CCSER2: variants seen among roughly 807,000 people sequenced by gnomAD.
CCSER2 encodes the protein serine-rich coiled-coil domain-containing protein 2.
A neutral mutation model predicts 92.3 loss-of-function variants in CCSER2; 46 were observed. The observed-to-expected ratio is 0.50, with a 90% CI of 0.39 to 0.64. The LOEUF is 0.64. CCSER2 is among the 30% of genes least tolerant of loss of function. The probability of loss-of-function intolerance (pLI) is 0.00; values close to 1 mark genes in which losing one functional copy is unlikely to be tolerated. For missense variants in CCSER2, 1,244 were observed against 1,238.9 expected, an observed-to-expected ratio of 1.00 and a Z score of -0.06; for synonymous variants, 433 against 431.4, an observed-to-expected ratio of 1.00 and a Z score of -0.04.
intron 5 of CCSER2, among the ~76,000 whole-genome samples, chr10:84,431,875 A>AT (rs1843789948): frequency 6.6e-6 from 1 of 152,196 alleles, no homozygotes; most frequent in African/African-American, 2.4e-5. Context: ...TTATATACAG[A>AT]TTTTTGCACG....
At chr10:84,360,922 T>A (rs776386066) in intron 1 of CCSER2, among the ~76,000 whole-genome samples, 3 of 152,234 alleles carry the variant, frequency 2.0e-5, no homozygotes, top group Non-Finnish European at 2.9e-5. Context: ...CATAAATGGA[T>A]CAACTGAACA....
At chr10:84,332,429 TA>T (rs1589368888) in intron 1 of CCSER2, among the ~76,000 whole-genome samples, 94 of 85,828 alleles carry the variant, frequency 1.1e-3, no homozygotes, top group East Asian at 8.1e-3. Flanking sequence ...TATATATATA[TA>T]TATATATTTT....
chr10:84,460,244 C>T (rs1229686945), intron 6 of CCSER2, among the ~76,000 whole-genome samples: 6 of 145,842 alleles, frequency 4.1e-5, no homozygotes, highest in African/African-American at 1.5e-4. Flanking sequence ...CATGCGCCAC[C>T]ATGCCCGGCT....
At position 84,425,805 on chromosome 10, in the gene CCSER2, A is replaced by G. The variant is rs1309497447; in HGVS notation, c.1780A>G (p.Arg594Gly). 6.2e-7 allele frequency: 1 copy of G among 1,613,492 alleles called. No homozygotes were observed. Reference sequence around the variant, plus strand: ...GCAGCCTCAGGAAGGTTTTTGGAAAAGGCCACCCCAGAGGTGGAGTGGACA... The same window carrying G: ...GCAGCCTCAGGAAGGTTTTTGGAAAGGGCCACCCCAGAGGTGGAGTGGACA... ...VRQPQEGFWK[R>G]PPQRWSGQEH... Residue 594 changes from arginine to glycine, a missense_variant, in exon 5 of 10, where the codon AGG becomes GGG. Physicochemically the swap from Arg to Gly is moderately radical, Grantham distance 125. Coordinates refer to ENST00000372088, the MANE Select transcript of CCSER2 (RefSeq NM_001284240.2).
Position 84,371,996 on chromosome 10 carries a change from A to T in CCSER2, c.944A>T (p.Tyr315Phe). Residue 315 changes from tyrosine to phenylalanine, a missense_variant, in exon 2 of 10, where the codon TAT becomes TTT. By Grantham distance (22) the Tyr-to-Phe change is conservative (BLOSUM62 3). Coordinates refer to ENST00000372088, the MANE Select transcript of CCSER2 (RefSeq NM_001284240.2). ...CCAGGTGTAACTTCTACTTTAGGTT[A>T]TAGAATGGTTCATCCCTCTCTACTG... ...NGPGVTSTLG[Y>F]RMVHPSLLKS... 1 of 1,613,750 alleles carries T rather than the reference A, an allele frequency of 6.2e-7. No individual in the cohort carries two copies. Among genetic ancestry groups the T allele is most frequent in the Non-Finnish European group, 8.5e-7 (1 of 1,179,732 alleles).
At chr10:84,434,994 T>C (rs1844019760) in intron 5 of CCSER2, among the ~76,000 whole-genome samples, 2 of 152,100 alleles carry the variant, frequency 1.3e-5, no homozygotes, top group African/African-American at 4.8e-5. Flanking sequence ...GTGAAACAAA[T>C]TAAGGATCAT....
In CCSER2 at chr10:84,371,077, A is replaced by G. The variant is rs1325850609; in HGVS notation, c.25A>G (p.Thr9Ala). The change falls in exon 2 of 10, where the codon ACA becomes GCA. Residue 9 changes from threonine (T) to alanine (A), a missense_variant. By Grantham distance (58) the Thr-to-Ala change is moderately conservative (BLOSUM62 0). Coordinates refer to ENST00000372088, the MANE Select transcript of CCSER2 (RefSeq NM_001284240.2). ...CATGGAAGAAAAAACACAAATCAAG[A>G]CATTTTTGGGTTCCAAGTTGCCAAA... is the stretch of plus-strand genomic sequence containing the variant. Reference protein sequence around the residue: MEEKTQIKTFLGSKLPKYG... With the variant: MEEKTQIKAFLGSKLPKYG... 1 of 1,592,940 alleles carries G rather than the reference A, an allele frequency of 6.3e-7. No individual in the cohort carries two copies. Among genetic ancestry groups the G allele is most frequent in the East Asian group, 2.2e-5 (1 of 44,704 alleles).
chr10:84,368,621 T>C (rs1845905890), intron 1 of CCSER2, among the ~76,000 whole-genome samples: 1 of 152,314 alleles, frequency 6.6e-6, no homozygotes, highest in African/African-American at 2.4e-5. Flanking sequence ...GTTTTTCGAA[T>C]GTCTTCTAGC....
intron 3 of CCSER2, among the ~76,000 whole-genome samples, chr10:84,384,005 A>G (rs1477563210): frequency 2.0e-5 from 3 of 152,202 alleles, no homozygotes; most frequent in Non-Finnish European, 4.4e-5. Flanking sequence ...AGAGACTGCT[A>G]TGAACATCTC....
At chr10:84,358,514 AT>A (rs967668244) in intron 1 of CCSER2, among the ~76,000 whole-genome samples, 2 of 151,838 alleles carry the variant, frequency 1.3e-5, no homozygotes, top group Non-Finnish European at 2.9e-5. Context: ...TCAAATATAT[AT>A]GTGTTGGGAG....
intron 1 of CCSER2, among the ~76,000 whole-genome samples, chr10:84,332,754 C>T (rs916097252): frequency 6.6e-6 from 1 of 151,794 alleles, no homozygotes; most frequent in Admixed American, 6.6e-5. Context: ...GAGTTCAAGA[C>T]CAGCCTGGGC....
intron 3 of CCSER2, among the ~76,000 whole-genome samples, chr10:84,400,700 G>A (rs1842073940): frequency 6.6e-6 from 1 of 151,388 alleles, no homozygotes; most frequent in Non-Finnish European, 1.5e-5. Flanking sequence ...GATCACCTGA[G>A]GTCAGGAGTT....
At chr10:84,381,081 G>A (rs1840881388) in intron 3 of CCSER2, among the ~76,000 whole-genome samples, 1 of 152,102 alleles carries the variant, frequency 6.6e-6, no homozygotes. Flanking sequence ...TGCCTGAATG[G>A]TATGACAGTC....
chr10:84,338,037 T>G (rs1843937418), intron 1 of CCSER2, among the ~76,000 whole-genome samples: 1 of 152,142 alleles, frequency 6.6e-6, no homozygotes, highest in East Asian at 1.9e-4. Context: ...TCTCAGTACT[T>G]TGGGAGGCTG....
intron 6 of CCSER2, among the ~76,000 whole-genome samples, chr10:84,441,743 T>A (rs1209102306): frequency 3.8e-5 from 1 of 26,472 alleles, no homozygotes; most frequent in Non-Finnish European, 7.3e-5. Flanking sequence ...AATGTTTTTT[T>A]TTTTTTTTTT....
intron 9 of CCSER2, among the ~76,000 whole-genome samples, chr10:84,479,634 T>C (rs1222560786): frequency 2.6e-5 from 4 of 152,176 alleles, no homozygotes; most frequent in Non-Finnish European, 5.9e-5. Flanking sequence ...TGTGTAAATA[T>C]AAAGAAGAAT....
Position 84,389,450 on chromosome 10 carries a change from A to T in CCSER2, c.1614+15635A>T, listed in dbSNP as rs7899482. On this transcript the variant is annotated intron_variant, in intron 3 of 9. Transcript: ENST00000372088. Reference sequence around the variant, plus strand: ...TGCAGAGGGAGAAGGTACCACGTCAATCTGGGCCTGTCTATTCTGAATAGT... The same window carrying T: ...TGCAGAGGGAGAAGGTACCACGTCATTCTGGGCCTGTCTATTCTGAATAGT... The T allele has an allele frequency of 7.2e-6, 3 of 418,844 alleles. No homozygotes were observed. In the Admixed American group the frequency reaches 7.8e-5, roughly 11 times the overall value. 25.9% of individuals were successfully genotyped at this position (418,844 alleles called of 1,614,324 possible). A position where few individuals can be genotyped will look rare whatever the true frequency, so the allele number is the denominator to read the frequency against.
In CCSER2 at chr10:84,513,683, A is replaced by G; in HGVS notation, c.2560A>G (p.Ser854Gly). 1 of 1,550,814 alleles carries G rather than the reference A, an allele frequency of 6.4e-7. No individual in the cohort carries two copies. Among genetic ancestry groups the G allele is most frequent in the Non-Finnish European group, 8.7e-7 (1 of 1,152,090 alleles). ...ACAATTAACAATGGATGTGGCTAAGAGTACACCTTCTGAAGCAAACTTAAA... is the reference window on the plus strand; with the variant it reads ...ACAATTAACAATGGATGTGGCTAAGGGTACACCTTCTGAAGCAAACTTAAA... ...GPQLTMDVAK[S>G]TPSEANLNIT... Residue 854 changes from serine (S) to glycine (G), a missense_variant, in exon 10 of 10, where the codon AGT becomes GGT. Physicochemically the swap from Ser to Gly is moderately conservative, Grantham distance 56. Coordinates refer to ENST00000372088, the MANE Select transcript of CCSER2 (RefSeq NM_001284240.2).
intron 3 of CCSER2, among the ~76,000 whole-genome samples, chr10:84,376,464 T>C (rs1846343328): frequency 6.6e-6 from 1 of 152,164 alleles, no homozygotes; most frequent in Non-Finnish European, 1.5e-5. Flanking sequence ...TTGAACTTTA[T>C]ATAAATGAAA....
Sources: gnomAD v4.1 joint callset for allele counts (sites outside exome capture counted in the v4.1 genomes callset) on GRCh38, gnomAD v4.1.1 for gene constraint, MANE v1.5 for transcripts, NCBI Gene and HGNC (gene_info 2026-07-23, HGNC 2026-07-21) for gene names.